The following CLEC16A variants were observed in gnomAD, a reference collection of about 807,000 sequenced individuals.
CLEC16A encodes C-type lectin domain containing 16A, also known as protein CLEC16A.
CLEC16A carries 51 observed loss-of-function variants against 109.5 expected under a neutral mutation model. The observed-to-expected ratio is 0.47, with a 90% CI of 0.37 to 0.59. The LOEUF (loss-of-function observed/expected upper bound fraction) is 0.59. Ranked by LOEUF, CLEC16A falls within the 20% of genes least tolerant of loss-of-function variation. The pLI is 0.00. For synonymous variants in CLEC16A, 673 were observed against 564.2 expected (o/e 1.19, Z -2.73); for missense variants, 1,339 against 1,394.0 (o/e 0.96, Z 0.63).
chr16:11,022,020 T>G (rs79700767), intron 12 of CLEC16A, among the ~76,000 whole-genome samples: 1 of 152,170 alleles, frequency 6.6e-6, no homozygotes, highest in African/African-American at 2.4e-5. Flanking sequence ...TCTTTTTTTC[T>G]GAATTTTGGT....
At chr16:11,066,589 G>T (rs567793502) in intron 19 of CLEC16A, 10 of 152,396 alleles carry the variant, frequency 6.6e-5, no homozygotes, top group Non-Finnish European at 1.3e-4. Flanking sequence ...GAACTCTTGT[G>T]TTTAGTAGCC....
intron 22 of CLEC16A, among the ~76,000 whole-genome samples, chr16:11,161,753 T>C (rs1045654035): frequency 6.6e-6 from 1 of 152,206 alleles, no homozygotes; most frequent in African/African-American, 2.4e-5. Flanking sequence ...TGGGGCCCCA[T>C]AAAGCCAGAT....
chr16:10,983,624 A>G (rs969087540), intron 10 of CLEC16A, among the ~76,000 whole-genome samples: 3 of 152,120 alleles, frequency 2.0e-5, no homozygotes, highest in Non-Finnish European at 4.4e-5. Context: ...TGCTGAGGGA[A>G]AACACCTGAT....
chr16:11,033,707 A>G (rs537194779), intron 13 of CLEC16A, among the ~76,000 whole-genome samples: 1 of 152,312 alleles, frequency 6.6e-6, no homozygotes, highest in South Asian at 2.1e-4. Context: ...TTTTAACATA[A>G]AAGCCACGTT....
intron 22 of CLEC16A, among the ~76,000 whole-genome samples, chr16:11,143,369 A>C (rs1300580295): frequency 6.6e-6 from 1 of 152,148 alleles, no homozygotes; most frequent in Non-Finnish European, 1.5e-5. Flanking sequence ...GAGGCTGAAG[A>C]AGAGACCTGG....
At chr16:10,965,944 A>C (rs1018315807) in intron 3 of CLEC16A, among the ~76,000 whole-genome samples, 2 of 152,158 alleles carry the variant, frequency 1.3e-5, no homozygotes, top group African/African-American at 4.8e-5. Context: ...AGCTCCCAGT[A>C]TGGTGTCTGT....
intron 19 of CLEC16A, among the ~76,000 whole-genome samples, chr16:11,116,158 G>A (rs1289438365): frequency 6.6e-6 from 1 of 152,022 alleles, no homozygotes; most frequent in South Asian, 2.1e-4. Flanking sequence ...GGGAGGTCAA[G>A]GCAGGCGGAT....
intron 19 of CLEC16A, 69 bp from the exon 20 acceptor site, chr16:11,120,546 G>C: frequency 6.7e-7 from 1 of 1,491,512 alleles, no homozygotes; most frequent in Non-Finnish European, 9.0e-7. Flanking sequence ...ATGAGAGTCA[G>C]CTTTGGTGTC....
At position 11,178,455 on chromosome 16, in the gene CLEC16A, C is replaced by T. The variant is rs759971940; in HGVS notation, c.2927C>T (p.Thr976Ile). ...KNVARSAAVE[T>I]ASLSPSLVPA... Reference sequence around the variant, plus strand: ...GTGGCCAGGAGCGCAGCCGTGGAGACAGCCAGCCTGTCCCCCAGCCTCGTC... The same window carrying T: ...GTGGCCAGGAGCGCAGCCGTGGAGATAGCCAGCCTGTCCCCCAGCCTCGTC... Residue 976 changes from threonine (T) to isoleucine (I), a missense_variant, in exon 24 of 24, where the codon ACA (threonine) becomes ATA (isoleucine). Thr to Ile is a moderately conservative substitution (Grantham distance 89). Coordinates refer to ENST00000409790, the MANE Select transcript of CLEC16A (RefSeq NM_015226.3). This position sits in a 1 kb window ranked among gnomAD's most constrained non-coding sequence, Gnocchi z 6.5. 6.2e-7 allele frequency: 1 copy of T among 1,613,456 alleles called. No individual in the cohort carries two copies. Among genetic ancestry groups the T allele is most frequent in the Non-Finnish European group, 8.5e-7 (1 of 1,179,912 alleles).
chr16:11,097,571 G>A (rs1387206229), intron 19 of CLEC16A, among the ~76,000 whole-genome samples: 2 of 152,058 alleles, frequency 1.3e-5, no homozygotes, highest in Non-Finnish European at 2.9e-5. Flanking sequence ...TGAGTTCAGG[G>A]CTGTTCTAAT....
chr16:11,043,754 A>G (rs760474606), intron 15 of CLEC16A, among the ~76,000 whole-genome samples: 1 of 151,934 alleles, frequency 6.6e-6, no homozygotes, highest in Non-Finnish European at 1.5e-5. Context: ...AATACCAGCT[A>G]CTCGGGAGGT....
At chr16:11,125,073 G>T (rs181099864) in intron 21 of CLEC16A, among the ~76,000 whole-genome samples, 1 of 152,076 alleles carries the variant, frequency 6.6e-6, no homozygotes, top group South Asian at 2.1e-4. Context: ...TAGGAGACGG[G>T]GTGAGACCCT....
intron 3 of CLEC16A, among the ~76,000 whole-genome samples, chr16:10,968,876 A>G (rs1040738948): frequency 6.6e-6 from 1 of 152,094 alleles, no homozygotes; most frequent in Non-Finnish European, 1.5e-5. Flanking sequence ...TCTTTGTTGC[A>G]CTTTGCCATC....
Position 11,154,480 on chromosome 16 carries a change from G to C in CLEC16A, c.2642-11908G>C, listed in dbSNP as rs77506887. On this transcript the variant is annotated intron_variant, in intron 22 of 23. Coordinates refer to ENST00000409790, the MANE Select transcript of CLEC16A (RefSeq NM_015226.3). ...AGATATTTAAAGTTCCTTTAGAAAGGCTCTCTCATGTCTCACTTTGTTAAC... is the reference window on the plus strand; with the variant it reads ...AGATATTTAAAGTTCCTTTAGAAAGCCTCTCTCATGTCTCACTTTGTTAAC... Among the ~76,000 whole-genome samples, 464 of 152,234 alleles carry C rather than the reference G, an allele frequency of 3.0e-3. 1 individual carries two copies. Among genetic ancestry groups the C allele is most frequent in the African/African-American group, 0.011 (437 of 41,538 alleles).
At chr16:10,972,841 T>C (rs1296457081) in intron 6 of CLEC16A, 97 bp from the exon 7 acceptor site, 1 of 1,301,426 alleles carries the variant, frequency 7.7e-7, no homozygotes, top group Non-Finnish European at 1.0e-6. Context: ...TTTTTCATTG[T>C]GGTTTTTGGG....
chr16:11,131,832 G>A (rs187684589), intron 22 of CLEC16A, among the ~76,000 whole-genome samples: 8 of 152,158 alleles, frequency 5.3e-5, no homozygotes, highest in African/African-American at 1.4e-4. Context: ...CTCTCCCCTC[G>A]GCTCTCTGCA....
Position 10,975,071 on chromosome 16 carries a change from G to A in CLEC16A, c.728+2010G>A, listed in dbSNP as rs539390616. Among the ~76,000 whole-genome samples, 12 of 152,276 alleles carry A rather than the reference G, an allele frequency of 7.9e-5. No individual in the cohort carries two copies. The East Asian group carries it at 1.3e-3, about 17-fold the overall frequency. On this transcript the variant is annotated intron_variant, in intron 7 of 23. Transcript: ENST00000409790. The stretch of plus-strand genomic sequence containing the variant: ...GGAGAAGTAGAGGAGGGCTGGGTGC[G>A]GTGGCTCACACCTGTAATCCCAGCA...
At chr16:10,985,384 CAGA>C (rs1290768355) in intron 10 of CLEC16A, among the ~76,000 whole-genome samples, 1 of 151,730 alleles carries the variant, frequency 6.6e-6, no homozygotes, top group Non-Finnish European at 1.5e-5. Context: ...CTCCAACAGT[CAGA>C]AGATCTGGTC....
chr16:11,020,377 G>T, intron 12 of CLEC16A, 52 bp downstream of exon 12: 2 of 1,536,986 alleles, frequency 1.3e-6, no homozygotes, highest in East Asian at 2.4e-5. Flanking sequence ...AGAGGAGAGG[G>T]CTCAGTGGGG....
Sources: gnomAD v4.1 joint callset for allele counts (sites outside exome capture counted in the v4.1 genomes callset) on GRCh38, gnomAD v4.1.1 for gene constraint, Gnocchi (gnomAD v3.1) non-coding constraint, MANE v1.5 for transcripts, NCBI Gene and HGNC (gene_info 2026-07-23, HGNC 2026-07-21) for gene names.